The following RYR1 variants were observed in gnomAD, a reference collection of about 807,000 sequenced individuals.
The protein encoded by RYR1 is central core disease of muscle.
A neutral mutation model predicts 583.5 loss-of-function variants in RYR1; 342 were observed. The observed-to-expected ratio is 0.59, with a 90% CI of 0.54 to 0.64. RYR1 has a LOEUF of 0.64. RYR1 is among the 30% of genes least tolerant of loss of function. The pLI is 0.00. For missense variants in RYR1, 6,032 were observed against 6,917.2 expected, an observed-to-expected ratio of 0.87 and a Z score of 4.54; for synonymous variants, 2,791 against 2,822.5, an observed-to-expected ratio of 0.99 and a Z score of 0.35.
chr19:38,479,446 C>T (rs1218813304), intron 31 of RYR1, among the ~76,000 whole-genome samples: 2 of 152,020 alleles, frequency 1.3e-5, no homozygotes, highest in Non-Finnish European at 2.9e-5. Flanking sequence ...CTCACTCTGT[C>T]CCCCAGGCTG....
chr19:38,476,623 G>A (rs1335213416), intron 29 of RYR1, among the ~76,000 whole-genome samples: 1 of 152,000 alleles, frequency 6.6e-6, no homozygotes, highest in East Asian at 1.9e-4. Context: ...GTGAGCCACC[G>A]CGTTCGGCTG....
At position 38,502,576 on chromosome 19, in the gene RYR1, A is replaced by T. The variant is rs1359576805; in HGVS notation, c.7684A>T (p.Ile2562Phe). Residue 2562 changes from isoleucine to phenylalanine, a missense_variant, in exon 48 of 106, where the codon ATC (isoleucine) becomes TTC (phenylalanine). Around this residue, in one of 11 missense-constraint regions of RYR1, gnomAD observed 250 missense variants for 162.3 expected, o/e 1.54. Coordinates refer to ENST00000359596, the MANE Select transcript of RYR1 (RefSeq NM_000540.3). Reference sequence around the variant, plus strand: ...CCTGTGCCTGGCCGTGCTGCCGCTCATCACCAAGTGTGCGCCGCTCTTTGC... The same window carrying T: ...CCTGTGCCTGGCCGTGCTGCCGCTCTTCACCAAGTGTGCGCCGCTCTTTGC... Reference protein sequence around the residue: ...RYLCLAVLPLITKCAPLFAGT... With the variant: ...RYLCLAVLPLFTKCAPLFAGT... The T allele has an allele frequency of 1.1e-5, 17 of 1,612,066 alleles. No individual in the cohort carries two copies. The highest frequency in any genetic ancestry group is 1.4e-5 in the Non-Finnish European group (17 of 1,179,888).
At chr19:38,573,388 A>C in intron 96 of RYR1, 81 bp downstream of exon 96, 1 of 1,546,964 alleles carries the variant, frequency 6.5e-7, no homozygotes. Flanking sequence ...ACCCCAAAAA[A>C]CTAGGGTTTC....
At chr19:38,474,941 C>T (rs1199184079) in intron 28 of RYR1, among the ~76,000 whole-genome samples, 1 of 152,016 alleles carries the variant, frequency 6.6e-6, no homozygotes, top group African/African-American at 2.4e-5. Context: ...GGGCGGGGGC[C>T]CCAGGGTTCC....
chr19:38,527,812 C>T (rs576172726), intron 73 of RYR1, 28 bp downstream of exon 73: 6 of 1,611,584 alleles, frequency 3.7e-6, no homozygotes, highest in African/African-American at 1.3e-5. Context: ...GGTCTTTCTA[C>T]TGGGTCTCTG....
Position 38,565,649 on chromosome 19 carries a change from G to A in RYR1, c.13315G>A (p.Ala4439Thr). ...AGPGGADGAV[A>T]VTDGGPFRPE... ...GCCGGGCGGTGCCGACGGGGCGGTG[G>A]CCGTGACCGATGGGGGCCCCTTCCG... Residue 4439 changes from alanine to threonine, a missense_variant, in exon 91 of 106, where the codon GCC becomes ACC. Physicochemically the swap from Ala to Thr is moderately conservative, Grantham distance 58 (BLOSUM62 0). This residue lies in a region of RYR1 where 753 missense variants were observed against 759.6 expected (regional missense o/e 0.99). Coordinates refer to ENST00000359596, the MANE Select transcript of RYR1 (RefSeq NM_000540.3). This position sits in a 1 kb window ranked among gnomAD's most constrained non-coding sequence, Gnocchi z 4.7. The A allele has an allele frequency of 7.2e-7, 1 of 1,392,130 alleles. No individual in the cohort carries two copies. The highest frequency in any genetic ancestry group is 9.2e-7 in the Non-Finnish European group (1 of 1,084,042). 86.2% of individuals were successfully genotyped at this position (1,392,130 alleles called of 1,614,324 possible).
At position 38,525,112 on chromosome 19, in the gene RYR1, A is replaced by G. The variant is rs1454721589; in HGVS notation, c.10456-220A>G. ...TTTGTTTAAAAAACAAGAAACTGGGAATTTGGGTTGTGGACTTGGGTCTGG... is the reference window on the plus strand; with the variant it reads ...TTTGTTTAAAAAACAAGAAACTGGGGATTTGGGTTGTGGACTTGGGTCTGG... On this transcript the variant is annotated intron_variant, in intron 70 of 105. Coordinates refer to ENST00000359596, the MANE Select transcript of RYR1 (RefSeq NM_000540.3). 4.6e-5 allele frequency among the ~76,000 whole-genome samples: 7 copies of G among 151,840 alleles called. No homozygotes were observed. The South Asian group carries it at 1.5e-3, about 32-fold the overall frequency.
chr19:38,466,180 T>C lies in RYR1; in HGVS notation c.2960T>C (p.Leu987Pro). The C allele has an allele frequency of 6.2e-7, 1 of 1,613,588 alleles. No homozygotes were observed. The change falls in exon 24 of 106, where the codon CTG (leucine) becomes CCG (proline). Residue 987 changes from leucine to proline, a missense_variant. Physicochemically the swap from Leu to Pro is moderately conservative, Grantham distance 98 (BLOSUM62 -3). Transcript: ENST00000359596. ...TPAQTTLVDRLAENGHNVWAR... is the reference protein window; with the variant it reads ...TPAQTTLVDRPAENGHNVWAR... The stretch of plus-strand genomic sequence containing the variant: ...GCGCAGACGACACTGGTGGACCGTC[T>C]GGCAGAAAATGGGCACAACGTGTGG...
intron 89 of RYR1, among the ~76,000 whole-genome samples, chr19:38,558,641 T>A (rs1972983198): frequency 6.7e-6 from 1 of 148,394 alleles, no homozygotes; most frequent in Non-Finnish European, 1.5e-5. Context: ...TAGCTTGGCG[T>A]GGTAGCACAT....
At chr19:38,569,013 A>G (rs1973582030) in intron 93 of RYR1, among the ~76,000 whole-genome samples, 1 of 150,584 alleles carries the variant, frequency 6.6e-6, no homozygotes, top group African/African-American at 2.5e-5. Flanking sequence ...TCTACAAAAG[A>G]ATTTTTTTTT....
At chr19:38,482,377 T>G (rs1038353371) in intron 31 of RYR1, among the ~76,000 whole-genome samples, 2 of 152,108 alleles carry the variant, frequency 1.3e-5, no homozygotes, top group Non-Finnish European at 2.9e-5. Context: ...ACAATGTTGT[T>G]TGTGGAGGCA....
intron 35 of RYR1, 122 bp downstream of exon 35, chr19:38,489,565 G>A: frequency 9.8e-7 from 1 of 1,021,730 alleles, no homozygotes; most frequent in Non-Finnish European, 1.5e-6. Context: ...GCATATGGCA[G>A]TGAGCAATGC....
At chr19:38,544,603 G>A (rs1972345908) in intron 87 of RYR1, among the ~76,000 whole-genome samples, 1 of 152,216 alleles carries the variant, frequency 6.6e-6, no homozygotes, top group African/African-American at 2.4e-5. Context: ...CCTACAGGAA[G>A]TGTTTTAGGG....
In RYR1 at chr19:38,496,595, G is replaced by C; in HGVS notation, c.6796+54G>C. 1 of 1,603,488 alleles carries C rather than the reference G, an allele frequency of 6.2e-7. No individual in the cohort carries two copies. ...CCCCAGAACCCACTCCTGGCACCCC[G>C]TCCAGGCCTGCCCCACTTTCCACCA... On this transcript the variant is annotated intron_variant, in intron 41 of 105. Transcript: ENST00000359596. The surrounding 1 kb of genome is among the most constrained non-coding windows in gnomAD (Gnocchi z 4.8).
chr19:38,522,613 A>G, intron 67 of RYR1, among the ~76,000 whole-genome samples: 1 of 151,712 alleles, frequency 6.6e-6, no homozygotes, highest in Non-Finnish European at 1.5e-5. Flanking sequence ...TGTCTCAGAA[A>G]GAAAGAAAGA....
intron 42 of RYR1, 144 bp from the exon 43 acceptor site, chr19:38,498,964 G>C (rs1470558409): frequency 9.4e-7 from 1 of 1,066,416 alleles, no homozygotes; most frequent in Admixed American, 2.6e-5. Flanking sequence ...ACAGGCCTCT[G>C]ACAGGACCAG....
intron 96 of RYR1, 74 bp downstream of exon 96, chr19:38,573,381 C>A: frequency 1.3e-6 from 2 of 1,560,596 alleles, no homozygotes; most frequent in East Asian, 2.3e-5. Flanking sequence ...GGCCTGGACC[C>A]CAAAAAACTA....
rs757399861 is a variant in RYR1, at chr19:38,455,462, C to T, written c.1588C>T (p.Arg530Cys). ...TCTTCCCCCCTCAGCTTCTCTAATC[C>T]GTGGCAATCGTAGCAACTGTGCCCT... ...LLYELLASLI[R>C]GNRSNCALFS... The change falls in exon 15 of 106, where the codon CGT becomes TGT. Residue 530 changes from arginine (R) to cysteine (C), a missense_variant. Physicochemically the swap from Arg to Cys is radical, Grantham distance 180. Coordinates refer to ENST00000359596, the MANE Select transcript of RYR1 (RefSeq NM_000540.3). 1.9e-5 allele frequency: 30 copies of T among 1,614,038 alleles called. No individual in the cohort carries two copies. Among genetic ancestry groups the T allele is most frequent in the South Asian group, 1.4e-4 (13 of 91,078 alleles).
intron 83 of RYR1, among the ~76,000 whole-genome samples, chr19:38,537,390 T>C (rs2145754652): frequency 6.6e-6 from 1 of 152,248 alleles, no homozygotes; most frequent in African/African-American, 2.4e-5. Context: ...ATTGGCTGCT[T>C]TCAAGGCATC....
Sources: gnomAD v4.1 joint callset for allele counts (sites outside exome capture counted in the v4.1 genomes callset) on GRCh38, gnomAD v4.1.1 for gene constraint, gnomAD v4.1.1 regional missense constraint, Gnocchi (gnomAD v3.1) non-coding constraint, MANE v1.5 for transcripts, NCBI Gene and HGNC (gene_info 2026-07-23, HGNC 2026-07-21) for gene names.